IL10RB: variants seen among roughly 807,000 people sequenced by gnomAD.
The protein encoded by IL10RB is interleukin 10 receptor subunit beta.
Under a neutral mutation model 38.7 loss-of-function variants are expected in IL10RB, and 30 were observed. The ratio of observed to expected loss-of-function variants is 0.78; its 90% CI spans 0.58 to 1.05. IL10RB has a LOEUF of 1.05. Ranked by LOEUF, IL10RB falls within the 50% of genes least tolerant of loss-of-function variation. IL10RB has a pLI of 0.00. For synonymous variants in IL10RB, 142 were observed against 145.9 expected (o/e 0.97, Z 0.19); for missense variants, 328 against 397.1 (o/e 0.83, Z 1.48).
At chr21:33,267,515 T>G (rs1009712849) in intron 1 of IL10RB, among the ~76,000 whole-genome samples, 6 of 86,640 alleles carry the variant, frequency 6.9e-5, no homozygotes, top group East Asian at 4.0e-4. Flanking sequence ...TTTTTGTTTT[T>G]TTGTTTTTTT....
chr21:33,276,507 C>T, intron 2 of IL10RB, 89 bp from the exon 3 acceptor site: 1 of 1,022,770 alleles, frequency 9.8e-7, no homozygotes, highest in African/African-American at 1.6e-5. Flanking sequence ...CACTCCCGCG[C>T]CGCCCCCCCC....
At chr21:33,290,027 T>A (rs936292373) in intron 6 of IL10RB, among the ~76,000 whole-genome samples, 6 of 151,626 alleles carry the variant, frequency 4.0e-5, no homozygotes, top group Non-Finnish European at 2.9e-5. Flanking sequence ...GGCAGGAGAA[T>A]GGCGTGAACC....
intron 1 of IL10RB, among the ~76,000 whole-genome samples, chr21:33,303,859 G>C (rs956170984): frequency 3.3e-5 from 5 of 152,212 alleles, no homozygotes; most frequent in African/African-American, 1.2e-4. Context: ...GGGATAGGCA[G>C]GTGATCCCAC....
chr21:33,279,686 A>T (rs1989243628), intron 3 of IL10RB, 66 bp from the exon 4 acceptor site: 1 of 1,404,130 alleles, frequency 7.1e-7, no homozygotes, highest in South Asian at 1.2e-5. Context: ...CATGGTTATG[A>T]AAAATTAATG....
chr21:33,273,999 T>C (rs962844382), intron 2 of IL10RB, among the ~76,000 whole-genome samples: 1 of 152,186 alleles, frequency 6.6e-6, no homozygotes, highest in African/African-American at 2.4e-5. Context: ...GGAATCAGCT[T>C]CTTCCAAACC....
At position 33,281,669 on chromosome 21, in the gene IL10RB, G is replaced by A. The variant is rs771176133; in HGVS notation, c.499-1425G>A. The stretch of plus-strand genomic sequence containing the variant: ...GCGATCTCAGCTTACTGCAACCTCC[G>A]CCTCCTGGGTTCAAGCAATTCTCCT... On this transcript the variant is annotated intron_variant, in intron 4 of 6. Coordinates refer to ENST00000290200, the MANE Select transcript of IL10RB (RefSeq NM_000628.5). Among the ~76,000 whole-genome samples, 56 of 152,050 alleles carry A rather than the reference G, an allele frequency of 3.7e-4. 1 individual carries two copies. The highest frequency in any genetic ancestry group is 6.5e-4 in the Non-Finnish European group (44 of 68,014).
chr21:33,277,668 C>CTTTTTTTTTTTTTTTTT (rs1216043179), intron 3 of IL10RB, among the ~76,000 whole-genome samples: 1 of 92,980 alleles, frequency 1.1e-5, no homozygotes, highest in South Asian at 4.2e-4. Context: ...TTCTTTCTTT[C>CTTTTTTTTTTTTTTTTT]TTTTTTTTTT....
rs200472684 is a variant in IL10RB, at chr21:33,276,582, T to G, written c.174-14T>G. On this transcript the variant is annotated splice_polypyrimidine_tract_variant and intron_variant, in intron 2 of 6. Coordinates refer to ENST00000290200, the MANE Select transcript of IL10RB (RefSeq NM_000628.5). ...CAGAACTCTCCTGATTGACCTATCT[T>G]TTTGATTGTGTAGTTATAGGATATT... The G allele has an allele frequency of 7.6e-4, 1,218 of 1,610,272 alleles. 7 individuals are homozygous for G. In the Middle Eastern group the frequency reaches 0.016, roughly 21 times the overall value.
chr21:33,307,398 C>T (rs1179484853), intron 1 of IL10RB, among the ~76,000 whole-genome samples: 1 of 152,172 alleles, frequency 6.6e-6, no homozygotes, highest in Non-Finnish European at 1.5e-5. Flanking sequence ...AGTATGTACC[C>T]TCTTTCCCTC....
Position 33,266,408 on chromosome 21 carries a change from C to G in IL10RB, c.-58C>G. The G allele has an allele frequency of 6.6e-7, 1 of 1,524,108 alleles. No individual in the cohort carries two copies. The highest frequency in any genetic ancestry group is 8.8e-7 in the Non-Finnish European group (1 of 1,136,708). The allele number at this position is 1,524,108 out of a possible 1,614,324, so 94.4% of individuals were successfully genotyped here. On this transcript the variant is annotated 5_prime_UTR_variant, in exon 1 of 7. Coordinates refer to ENST00000290200, the MANE Select transcript of IL10RB (RefSeq NM_000628.5). ...GGAAGCCGCCGCGGACAAGCTCTCC[C>G]GGGCGCGGGCGGGGGTCGTGTGCTT...
chr21:33,276,183 C>G (rs1193229553), intron 2 of IL10RB, among the ~76,000 whole-genome samples: 1 of 152,102 alleles, frequency 6.6e-6, no homozygotes, highest in Non-Finnish European at 1.5e-5. Flanking sequence ...AGAAAAGGTA[C>G]AGTAAAAATA....
At chr21:33,268,324 G>A in intron 1 of IL10RB, 70 bp from the exon 2 acceptor site, 1 of 1,609,382 alleles carries the variant, frequency 6.2e-7, no homozygotes, top group South Asian at 1.1e-5. Flanking sequence ...CCAAGTGCTG[G>A]ATGTGGGCTT....
intron 6 of IL10RB, 129 bp downstream of exon 6, chr21:33,288,390 CACA>C: frequency 1.4e-6 from 1 of 705,518 alleles, no homozygotes; most frequent in Non-Finnish European, 2.6e-6. Context: ...CGCACACACA[CACA>C]CACACACACA....
chr21:33,279,229 G>A (rs1989236058), intron 3 of IL10RB, among the ~76,000 whole-genome samples: 1 of 152,104 alleles, frequency 6.6e-6, no homozygotes, highest in African/African-American at 2.4e-5. Context: ...AAGTGAAGGA[G>A]CCAGCCACAT....
chr21:33,285,185 C>A (rs538390416), intron 5 of IL10RB, among the ~76,000 whole-genome samples: 2 of 152,274 alleles, frequency 1.3e-5, no homozygotes, highest in African/African-American at 4.8e-5. Flanking sequence ...GCCACCATGC[C>A]CAGCCATCCA....
intron 2 of IL10RB, among the ~76,000 whole-genome samples, chr21:33,271,244 T>A (rs993508794): frequency 6.6e-6 from 1 of 152,182 alleles, no homozygotes; most frequent in African/African-American, 2.4e-5. Context: ...GAGTTTAGCA[T>A]GAGCAATTGC....
Position 33,283,167 on chromosome 21 carries a change from T to G in IL10RB, c.572T>G (p.Val191Gly). 1 of 1,614,088 alleles carries G rather than the reference T, an allele frequency of 6.2e-7. No homozygotes were observed. Among genetic ancestry groups the G allele is most frequent in the Non-Finnish European group, 8.5e-7 (1 of 1,179,966 alleles). The change falls in exon 5 of 7, where the codon GTT (valine) becomes GGT (glycine). Residue 191 changes from valine to glycine, a missense_variant. Coordinates refer to ENST00000290200, the MANE Select transcript of IL10RB (RefSeq NM_000628.5). ...LEPWTTYCVQ[V>G]RGFLPDRNKA... ...CCATGGACAACTTATTGTGTTCAAG[T>G]TCGAGGGTTTCTTCCTGATCGGAAC...
chr21:33,276,389 A>G (rs1989170746), intron 2 of IL10RB, among the ~76,000 whole-genome samples: 1 of 152,194 alleles, frequency 6.6e-6, no homozygotes, highest in Admixed American at 6.5e-5. Context: ...TTCTTGGTCA[A>G]GTATGCTGAA....
intron 6 of IL10RB, among the ~76,000 whole-genome samples, chr21:33,294,773 A>T (rs990484259): frequency 1.3e-5 from 2 of 151,982 alleles, no homozygotes; most frequent in Non-Finnish European, 2.9e-5. Flanking sequence ...AAAGCTTTAC[A>T]GAAGGTTCTC....
Sources: gnomAD v4.1 joint callset for allele counts (sites outside exome capture counted in the v4.1 genomes callset) on GRCh38, gnomAD v4.1.1 for gene constraint, MANE v1.5 for transcripts, NCBI Gene and HGNC (gene_info 2026-07-23, HGNC 2026-07-21) for gene names.